The following PERP variants were observed in gnomAD, a reference collection of about 807,000 sequenced individuals.
PERP encodes the protein p53 apoptosis effector related to PMP-22.
A neutral mutation model predicts 20.3 loss-of-function variants in PERP; 11 were observed. The ratio of observed to expected loss-of-function variants is 0.54; its 90% CI spans 0.34 to 0.90. The LOEUF (loss-of-function observed/expected upper bound fraction) is 0.90, where lower values mean the gene tolerates loss of function less well. Ranked by LOEUF, PERP falls within the 40% of genes least tolerant of loss-of-function variation. The probability of loss-of-function intolerance (pLI) is 0.02; values close to 1 mark genes in which losing one functional copy is unlikely to be tolerated. For missense variants in PERP, 224 were observed against 249.4 expected (o/e 0.90, Z 0.69); for synonymous variants, 101 against 102.0 (o/e 0.99, Z 0.06).
At chr6:138,097,309 G>A (rs532256071) in intron 1 of PERP, among the ~76,000 whole-genome samples, 6 of 152,208 alleles carry the variant, frequency 3.9e-5, no homozygotes, top group African/African-American at 7.2e-5. Flanking sequence ...CTATCCACAC[G>A]AATGATTCCA....
chr6:138,093,207 G>T (rs185550204), intron 2 of PERP, among the ~76,000 whole-genome samples: 33 of 152,156 alleles, frequency 2.2e-4, no homozygotes, highest in Middle Eastern at 3.4e-3. Context: ...ATGTCAAAGG[G>T]TCTGATTTTA....
chr6:138,105,422 C>T (rs1775827489), intron 1 of PERP, among the ~76,000 whole-genome samples: 1 of 152,178 alleles, frequency 6.6e-6, no homozygotes, highest in African/African-American at 2.4e-5. Context: ...TTATTGCCTT[C>T]CATATACAAA....
chr6:138,103,871 T>C (rs1582969154), intron 1 of PERP, among the ~76,000 whole-genome samples: 1 of 152,364 alleles, frequency 6.6e-6, no homozygotes, highest in Non-Finnish European at 1.5e-5. Flanking sequence ...TTCTTTGACT[T>C]GGCCAACAGC....
rs76715376 is a variant in PERP at position 138,089,624 on chromosome 6, C to A, written c.*2418G>T. The A allele has an allele frequency of 1.8e-4, 28 of 152,282 alleles. No individual in the cohort carries two copies. The East Asian group carries it at 4.4e-3, about 24-fold the overall frequency. The allele number at this position is 152,282 out of a possible 1,614,324, so 9.4% of individuals were successfully genotyped here. A position where few individuals can be genotyped will look rare whatever the true frequency, so the allele number is the denominator to read the frequency against. On this transcript the variant is annotated 3_prime_UTR_variant, in exon 3 of 3. Transcript: ENST00000421351. ...TCTCATGCAATGCACTGTTAGCCTT[C>A]AGGTGGTTTCTCAGCCCAATTCTTC...
chr6:138,100,022 T>C (rs1775748409), intron 1 of PERP, among the ~76,000 whole-genome samples: 1 of 152,182 alleles, frequency 6.6e-6, no homozygotes, highest in Non-Finnish European at 1.5e-5. Context: ...CCACATTGAA[T>C]CACTTAACTA....
chr6:138,092,169 G>A lies in PERP; in HGVS notation c.455C>T (p.Ala152Val). 3.1e-6 allele frequency: 5 copies of A among 1,614,098 alleles called. No homozygotes were observed. The highest frequency in any genetic ancestry group is 4.2e-6 in the Non-Finnish European group (5 of 1,179,960). The change falls in exon 3 of 3, where the codon GCC becomes GTC. Residue 152 changes from alanine to valine, a missense_variant. Transcript: ENST00000421351. Reference sequence around the variant, plus strand: ...CGTGGCTGCCCACCCAAAGCCGTAGGCCCAGTTATAGATGTAAGTGACAGC... The same window carrying A: ...CGTGGCTGCCCACCCAAAGCCGTAGACCCAGTTATAGATGTAAGTGACAGC... ...NPAVTYIYNW[A>V]YGFGWAATII...
chr6:138,092,332 T>C (rs930310022), intron 2 of PERP, 64 bp from the exon 3 acceptor site: 30 of 1,333,922 alleles, frequency 2.2e-5, no homozygotes, highest in Non-Finnish European at 3.0e-5. Flanking sequence ...AAATACACAT[T>C]AGCGACAGAT....
intron 1 of PERP, among the ~76,000 whole-genome samples, chr6:138,098,645 C>T (rs1319333231): frequency 1.3e-5 from 2 of 152,138 alleles, no homozygotes; most frequent in Non-Finnish European, 2.9e-5. Context: ...TAGAGACAAA[C>T]CTGAGCTAAG....
At chr6:138,101,642 A>G (rs1234267582) in intron 1 of PERP, among the ~76,000 whole-genome samples, 1 of 152,184 alleles carries the variant, frequency 6.6e-6, no homozygotes, top group Non-Finnish European at 1.5e-5. Flanking sequence ...ATAATACCAA[A>G]GATTCTGTAT....
chr6:138,091,182 A>C lies in PERP; in HGVS notation c.*860T>G. The stretch of plus-strand genomic sequence containing the variant: ...TAGTGGCACTTTTGTGACAAGAATG[A>C]CCCTCCTAATGCTTTACTACACAAC... On this transcript the variant is annotated 3_prime_UTR_variant, in exon 3 of 3. Transcript: ENST00000421351. The C allele has an allele frequency of 6.6e-6, 1 of 150,614 alleles. No individual in the cohort carries two copies. Among genetic ancestry groups the C allele is most frequent in the South Asian group, 2.1e-4 (1 of 4,682 alleles). 9.3% of individuals were successfully genotyped at this position (150,614 alleles called of 1,614,324 possible). A position where few individuals can be genotyped will look rare whatever the true frequency, so the allele number is the denominator to read the frequency against.
intron 1 of PERP, among the ~76,000 whole-genome samples, chr6:138,097,702 A>G (rs1384718327): frequency 6.6e-6 from 1 of 152,204 alleles, no homozygotes; most frequent in African/African-American, 2.4e-5. Context: ...GTTTAGACAG[A>G]GTTTGATTTC....
chr6:138,105,725 C>T (rs1775831228), intron 1 of PERP, among the ~76,000 whole-genome samples: 2 of 152,234 alleles, frequency 1.3e-5, no homozygotes, highest in Non-Finnish European at 2.9e-5. Context: ...TGTTTAAAAA[C>T]ACACACGCAG....
In PERP at chr6:138,093,903, T is replaced by A. The variant is rs563138217; in HGVS notation, c.356-1635A>T. Among the ~76,000 whole-genome samples the A allele has an allele frequency of 7.7e-3, 1,168 of 152,340 alleles. 22 individuals carry two copies. The highest frequency in any genetic ancestry group is 0.026 in the African/African-American group (1,092 of 41,578). The stretch of plus-strand genomic sequence containing the variant: ...CTAAATACATTTTCTGTTCTATTTT[T>A]CATACTCTTTAAAGGAAAGGATGAG... On this transcript the variant is annotated intron_variant, in intron 2 of 2. Transcript: ENST00000421351.
intron 1 of PERP, among the ~76,000 whole-genome samples, chr6:138,106,862 G>A (rs1013404777): frequency 2.7e-5 from 4 of 148,588 alleles, no homozygotes; most frequent in Non-Finnish European, 4.4e-5. Context: ...GTACGTAACC[G>A]ACAAAACCCA....
At chr6:138,092,395 G>GTCCATCTCA in intron 2 of PERP, 127 bp from the exon 3 acceptor site, 1 of 852,108 alleles carries the variant, frequency 1.2e-6, no homozygotes. Context: ...TCTACCTGGA[G>GTCCATCTCA]GCAGGAGGAA....
chr6:138,091,955 A>T lies in PERP; in HGVS notation c.*87T>A. 1 of 1,251,928 alleles carries T rather than the reference A, an allele frequency of 8.0e-7. No individual in the cohort carries two copies. The highest frequency in any genetic ancestry group is 1.1e-6 in the Non-Finnish European group (1 of 903,346). 77.6% of individuals were successfully genotyped at this position (1,251,928 alleles called of 1,614,324 possible). On this transcript the variant is annotated 3_prime_UTR_variant, in exon 3 of 3. Coordinates refer to ENST00000421351, the MANE Select transcript of PERP (RefSeq NM_022121.5). ...TTTAATAATATGAACACTGCCAAAA[A>T]ATGGGTTCAAAGTCGCCTGGAGAAA...
intron 1 of PERP, among the ~76,000 whole-genome samples, chr6:138,104,773 G>A (rs923378293): frequency 6.6e-6 from 1 of 152,176 alleles, no homozygotes; most frequent in African/African-American, 2.4e-5. Context: ...TGTTGCACAA[G>A]ATACTGTGTG....
rs1433931243 is a variant in PERP at position 138,107,248 on chromosome 6, G to C, written c.93C>G (p.Ala31=). Residue 31 remains alanine (A), a synonymous_variant, in exon 1 of 3, where the codon GCC becomes GCG. Coordinates refer to ENST00000421351, the MANE Select transcript of PERP (RefSeq NM_022121.5). The surrounding 1 kb of genome is among the most constrained non-coding windows in gnomAD (Gnocchi z 4.8). ...CGCTAGACTGCAACCAGCCGCGGCC[G>C]GCCAGCGCGATGATGTCGAAGGCGA... ...SAIAFDIIAL[A]GRGWLQSSDH... 1.2e-6 allele frequency: 2 copies of C among 1,612,176 alleles called. No homozygotes were observed. Among genetic ancestry groups the C allele is most frequent in the Non-Finnish European group, 1.7e-6 (2 of 1,179,666 alleles).
chr6:138,089,285 T>TAAAC lies in PERP; in HGVS notation c.*2753_*2756dup, dbSNP rs1775542728. On this transcript the variant is annotated 3_prime_UTR_variant, in exon 3 of 3. Transcript: ENST00000421351. ...AGGGGGAGTTTACAGAAAAAAAAAA[T>TAAAC]AAACCGAATTAAGTTATGATGACTA... 2 of 143,272 alleles carry TAAAC rather than the reference T, an allele frequency of 1.4e-5. No homozygotes were observed. Among genetic ancestry groups the TAAAC allele is most frequent in the African/African-American group, 5.1e-5 (2 of 39,274 alleles). The allele number at this position is 143,272 out of a possible 1,614,324, so 8.9% of individuals were successfully genotyped here.
Sources: gnomAD v4.1 joint callset for allele counts (sites outside exome capture counted in the v4.1 genomes callset) on GRCh38, gnomAD v4.1.1 for gene constraint, Gnocchi (gnomAD v3.1) non-coding constraint, MANE v1.5 for transcripts, NCBI Gene and HGNC (gene_info 2026-07-23, HGNC 2026-07-21) for gene names.